The following PKD1 variants were observed in gnomAD, a reference collection of about 807,000 sequenced individuals.
PKD1 encodes the protein polycystin-1.
A neutral mutation model predicts 361.7 loss-of-function variants in PKD1; 81 were observed. That is an observed-to-expected ratio of 0.22 (90% CI 0.19 to 0.27). The LOEUF is 0.27. Among genes scored for constraint, PKD1 ranks in the 10% least tolerant of loss-of-function variants. PKD1 has a pLI of 1.00. For missense variants in PKD1, 6,399 were observed against 6,118.3 expected (o/e 1.05, Z -1.53); for synonymous variants, 3,615 against 2,818.3 (o/e 1.28, Z -8.95).
chr16:2,091,311 G>GCTGCCGGGGGGCGGGGCC (rs1567151236), intron 42 of PKD1, 112 bp downstream of exon 42: 2 of 429,188 alleles, frequency 4.7e-6, no homozygotes, highest in Admixed American at 6.5e-5. Flanking sequence ...GGGGCGGGAC[G>GCTGCCGGGGGGCGGGGCC]CTGCGAGGGG....
At chr16:2,112,601 C>T (rs113511812) in intron 13 of PKD1, 128 bp from the exon 14 acceptor site, 3 of 995,970 alleles carry the variant, frequency 3.0e-6, no homozygotes, top group Non-Finnish European at 4.5e-6. Flanking sequence ...CAGGGCCCAC[C>T]CGGCTGTGCT....
Position 2,093,717 on chromosome 16 carries a change from A to G in PKD1, c.10843T>C (p.Phe3615Leu). Residue 3615 changes from phenylalanine (F) to leucine (L), a missense_variant, in exon 37 of 46, where the codon TTC becomes CTC. Coordinates refer to ENST00000262304, the MANE Select transcript of PKD1 (RefSeq NM_001009944.3). ...PLKVLLEALY[F>L]SLVAKRLHPD... ...TGCAGCCGCTTGGCCACCAGTGAGAAGTACAGGGCTTCCAGCAAGACCTGG... is the reference window on the plus strand; with the variant it reads ...TGCAGCCGCTTGGCCACCAGTGAGAGGTACAGGGCTTCCAGCAAGACCTGG... 1 of 1,592,222 alleles carries G rather than the reference A, an allele frequency of 6.3e-7. No homozygotes were observed. Among genetic ancestry groups the G allele is most frequent in the African/African-American group, 1.3e-5 (1 of 74,538 alleles).
At chr16:2,103,083 G>C in intron 23 of PKD1, 113 bp from the exon 24 acceptor site, 3 of 1,326,676 alleles carry the variant, frequency 2.3e-6, no homozygotes, top group South Asian at 1.2e-5. Flanking sequence ...GGCCATAGGA[G>C]CCTCTGCACC....
intron 1 of PKD1, among the ~76,000 whole-genome samples, chr16:2,129,448 G>A (rs750446736): frequency 1.9e-4 from 29 of 151,306 alleles, no homozygotes; most frequent in Non-Finnish European, 3.2e-4. Flanking sequence ...TTTGATTTAC[G>A]TTTCCCTCAT....
rs540362372 is a variant in PKD1, at chr16:2,127,130, G to T, written c.216-7752C>A. On this transcript the variant is annotated intron_variant, in intron 1 of 45. Coordinates refer to ENST00000262304, the MANE Select transcript of PKD1 (RefSeq NM_001009944.3). ...TCCCCAAAGCTCCCAAAGACTCTCG[G>T]TGCCCACCAGCGACAGCGCACACCG... 9.2e-5 allele frequency among the ~76,000 whole-genome samples: 14 copies of T among 152,306 alleles called. 1 individual carries two copies. Among genetic ancestry groups the T allele is most frequent in the African/African-American group, 3.4e-4 (14 of 41,564 alleles).
chr16:2,125,225 C>T (rs1429035445), intron 1 of PKD1, among the ~76,000 whole-genome samples: 2 of 152,200 alleles, frequency 1.3e-5, no homozygotes, highest in Admixed American at 1.3e-4. Flanking sequence ...AACAGTGCAG[C>T]CCCGGGCTGG....
At chr16:2,117,123 C>G in intron 6 of PKD1, 70 bp from the exon 7 acceptor site, 1 of 741,888 alleles carries the variant, frequency 1.3e-6, no homozygotes, top group Non-Finnish European at 2.2e-6. Flanking sequence ...CAGCAGCCCG[C>G]TGGGAGCCCC....
At chr16:2,093,370 G>A in intron 37 of PKD1, 174 bp downstream of exon 37, 2 of 718,910 alleles carry the variant, frequency 2.8e-6, no homozygotes, top group African/African-American at 1.8e-5. Flanking sequence ...AGGGACTGGG[G>A]CAGCAAGTGG....
chr16:2,114,260 G>T lies in PKD1; in HGVS notation c.2763C>A (p.Asn921Lys). The T allele has an allele frequency of 1.2e-6, 2 of 1,610,366 alleles. No homozygotes were observed. Among genetic ancestry groups the T allele is most frequent in the Non-Finnish European group, 1.7e-6 (2 of 1,179,608 alleles). The change falls in exon 11 of 46, where the codon AAC becomes AAA. Residue 921 changes from asparagine to lysine, a missense_variant. Physicochemically the swap from Asn to Lys is moderately conservative, Grantham distance 94. Coordinates refer to ENST00000262304, the MANE Select transcript of PKD1 (RefSeq NM_001009944.3). ...CCTCCGCCGTCACCCGCAGGCTGAGGTTGGCCCGGCTGGCGCTGTTTTCCA... is the reference window on the plus strand; with the variant it reads ...CCTCCGCCGTCACCCGCAGGCTGAGTTTGGCCCGGCTGGCGCTGTTTTCCA... ...VVVENSASRA[N>K]LSLRVTAEEP... is the part of the protein sequence containing the mutation.
At chr16:2,102,765 G>A (rs1286661410) in intron 24 of PKD1, 49 bp downstream of exon 24, 3 of 1,608,278 alleles carry the variant, frequency 1.9e-6, no homozygotes, top group East Asian at 4.5e-5. Context: ...AGGCAATGCT[G>A]ACCCATGATG....
rs2092024973 is a variant in PKD1, at chr16:2,100,004, C to G, written c.9780G>C (p.Lys3260Asn). 1.3e-6 allele frequency: 2 copies of G among 1,569,606 alleles called. No homozygotes were observed. Among genetic ancestry groups the G allele is most frequent in the Non-Finnish European group, 1.7e-6 (2 of 1,159,054 alleles). The stretch of plus-strand genomic sequence containing the variant: ...GGTCCCATATGGAGAGCCAGATGTG[C>G]TTGTCAAAGAAGCCACGCTGCAGCT... Reference protein sequence around the residue: ...VAELQRGFFDKHIWLSIWDRP... With the variant: ...VAELQRGFFDNHIWLSIWDRP... Residue 3260 changes from lysine (K) to asparagine (N), a missense_variant, in exon 29 of 46, where the codon AAG becomes AAC. Coordinates refer to ENST00000262304, the MANE Select transcript of PKD1 (RefSeq NM_001009944.3). This position sits in a 1 kb window ranked among gnomAD's most constrained non-coding sequence, Gnocchi z 4.4.
chr16:2,117,465 C>G (rs906250392), intron 6 of PKD1, 24 bp downstream of exon 6: 1 of 1,424,118 alleles, frequency 7.0e-7, no homozygotes, highest in Non-Finnish European at 9.6e-7. Context: ...AACCTATGGC[C>G]CCTCGGGGGG....
In PKD1 at chr16:2,111,063, C is replaced by A. The variant is rs745896866; in HGVS notation, c.4104G>T (p.Ala1368=). The A allele has an allele frequency of 3.1e-6, 5 of 1,610,536 alleles. No homozygotes were observed. The highest frequency in any genetic ancestry group is 4.5e-5 in the East Asian group (2 of 44,894). ...ALVLSSRVNR[A]HYFTSICVEP... is the part of the protein sequence containing the mutation. ...CCACGCAGATGCTGGTGAAGTAATG[C>A]GCCCTGTTCACGCGGCTGGACAGCA... The change falls in exon 15 of 46, where the codon GCG becomes GCT. Residue 1368 remains alanine, a synonymous_variant. Transcript: ENST00000262304.
chr16:2,133,230 G>C (rs2092910550), intron 1 of PKD1: 1 of 149,952 alleles, frequency 6.7e-6, no homozygotes, highest in South Asian at 2.1e-4. Flanking sequence ...ACGCAGAGCA[G>C]CACGTTTTGC....
intron 7 of PKD1, 48 bp from the exon 8 acceptor site, chr16:2,116,692 C>T: frequency 8.1e-7 from 1 of 1,237,890 alleles, no homozygotes; most frequent in Non-Finnish European, 1.1e-6. Flanking sequence ...GCCCAGGACA[C>T]CAGGACGAAC....
At chr16:2,092,271 G>A (rs1338051366) in intron 39 of PKD1, 83 bp from the exon 40 acceptor site, 2 of 1,456,014 alleles carry the variant, frequency 1.4e-6, no homozygotes, top group Middle Eastern at 1.8e-4. Flanking sequence ...GCTCGCCTGA[G>A]CTCTGGTTCG....
intron 23 of PKD1, 30 bp downstream of exon 23, chr16:2,103,236 G>C (rs372313074): frequency 1.9e-6 from 3 of 1,606,254 alleles, no homozygotes; most frequent in Non-Finnish European, 2.5e-6. Flanking sequence ...AAGGCCAGGG[G>C]GCCGCGTGTG....
chr16:2,113,702 C>T (rs1216894626), intron 11 of PKD1: 2 of 362,600 alleles, frequency 5.5e-6, no homozygotes, highest in Non-Finnish European at 1.0e-5. Context: ...CACGCCATTT[C>T]TGATGGCCCC....
In PKD1 at chr16:2,102,643, G is replaced by T. The variant is rs1400256155; in HGVS notation, c.8949-10C>A. 1.2e-6 allele frequency: 2 copies of T among 1,610,922 alleles called. No homozygotes were observed. The highest frequency in any genetic ancestry group is 1.7e-6 in the Non-Finnish European group (2 of 1,179,768). ...CGCTGGGTCTCTGCTCCTGGGCAGG[G>T]AAGGGGTAGCGGACGTGAGCCCAGG... is the stretch of plus-strand genomic sequence containing the variant. On this transcript the variant is annotated splice_polypyrimidine_tract_variant and intron_variant, in intron 24 of 45. Coordinates refer to ENST00000262304, the MANE Select transcript of PKD1 (RefSeq NM_001009944.3).
Sources: gnomAD v4.1 joint callset for allele counts (sites outside exome capture counted in the v4.1 genomes callset) on GRCh38, gnomAD v4.1.1 for gene constraint, Gnocchi (gnomAD v3.1) non-coding constraint, MANE v1.5 for transcripts, NCBI Gene and HGNC (gene_info 2026-07-23, HGNC 2026-07-21) for gene names.